Variants in BMPR1A observed in about 807,000 individuals in gnomAD.
BMPR1A encodes the protein bone morphogenetic protein receptor type-1A.
In BMPR1A, 7 loss-of-function variants were observed where a neutral mutation model predicts 66.0. That is an observed-to-expected ratio of 0.11 (90% CI 0.06 to 0.20). The LOEUF (loss-of-function observed/expected upper bound fraction) is 0.20, where lower values mean the gene tolerates loss of function less well. BMPR1A is among the 10% of genes least tolerant of loss of function. BMPR1A has a pLI of 1.00. For missense variants in BMPR1A, 408 were observed against 669.1 expected, an observed-to-expected ratio of 0.61 and a Z score of 4.31; for synonymous variants, 200 against 229.7, an observed-to-expected ratio of 0.87 and a Z score of 1.17.
chr10:86,882,092 GA>G (rs1842995040), intron 3 of BMPR1A, among the ~76,000 whole-genome samples: 1 of 152,004 alleles, frequency 6.6e-6, no homozygotes, highest in Non-Finnish European at 1.5e-5. Context: ...AAGGGGGAGG[GA>G]GTGAAACAAG....
At chr10:86,883,872 T>C (rs1465733575) in intron 3 of BMPR1A, among the ~76,000 whole-genome samples, 3 of 2,610 alleles carry the variant, frequency 1.1e-3, no homozygotes, top group Non-Finnish European at 7.1e-3. Context: ...AGCGTATGAC[T>C]TTTTTTTTTT....
intron 1 of BMPR1A, among the ~76,000 whole-genome samples, chr10:86,778,722 A>G (rs1841392578): frequency 6.6e-6 from 1 of 152,010 alleles, no homozygotes; most frequent in Admixed American, 6.6e-5. Flanking sequence ...GTAATTTTGT[A>G]TCCTTTAACA....
chr10:86,801,854 A>G (rs1386526145), intron 1 of BMPR1A, among the ~76,000 whole-genome samples: 1 of 151,916 alleles, frequency 6.6e-6, no homozygotes, highest in Non-Finnish European at 1.5e-5. Flanking sequence ...CTTGGACTAC[A>G]GGCACCCGCC....
chr10:86,903,696 C>T (rs1474049320), intron 7 of BMPR1A, among the ~76,000 whole-genome samples: 1 of 152,004 alleles, frequency 6.6e-6, no homozygotes, highest in Non-Finnish European at 1.5e-5. Context: ...AATGCAAGCT[C>T]CACCTCCCGG....
intron 8 of BMPR1A, among the ~76,000 whole-genome samples, chr10:86,914,299 T>C (rs1843531439): frequency 6.6e-6 from 1 of 152,120 alleles, no homozygotes; most frequent in African/African-American, 2.4e-5. Context: ...AGTTGAAGTA[T>C]AAAACCTCTA....
intron 1 of BMPR1A, among the ~76,000 whole-genome samples, chr10:86,806,524 T>G (rs983202904): frequency 6.6e-6 from 1 of 152,180 alleles, no homozygotes; most frequent in Admixed American, 6.6e-5. Flanking sequence ...TATGGAGTGA[T>G]AGACTCCATT....
intron 1 of BMPR1A, among the ~76,000 whole-genome samples, chr10:86,791,811 C>T (rs1462743242): frequency 6.8e-6 from 1 of 147,866 alleles, no homozygotes; most frequent in Non-Finnish European, 1.5e-5. Context: ...AACCTCTGCC[C>T]CTGGGTTCAA....
intron 3 of BMPR1A, chr10:86,889,854 C>A: frequency 1.7e-6 from 1 of 600,222 alleles, no homozygotes. Context: ...TAGCTGTCTT[C>A]ATGTACCCCG....
At chr10:86,805,901 T>G (rs527901277) in intron 1 of BMPR1A, among the ~76,000 whole-genome samples, 4 of 150,652 alleles carry the variant, frequency 2.7e-5, no homozygotes, top group Middle Eastern at 6.8e-3. Flanking sequence ...TGAGGTGTTT[T>G]TTTTTTTTTT....
At chr10:86,818,566 C>G (rs1354359458) in intron 1 of BMPR1A, among the ~76,000 whole-genome samples, 1 of 152,128 alleles carries the variant, frequency 6.6e-6, no homozygotes, top group Admixed American at 6.5e-5. Flanking sequence ...AGGATTAGTG[C>G]TAGTTTTTCT....
intron 5 of BMPR1A, among the ~76,000 whole-genome samples, chr10:86,898,485 G>A (rs562664752): frequency 5.9e-5 from 9 of 152,124 alleles, no homozygotes; most frequent in Admixed American, 1.3e-4. Context: ...AGATCTCTTC[G>A]TACATTTGGG....
At chr10:86,773,854 CTT>C (rs34632382) in intron 1 of BMPR1A, among the ~76,000 whole-genome samples, 11 of 142,078 alleles carry the variant, frequency 7.7e-5, no homozygotes, top group African/African-American at 1.6e-4. Context: ...GTATTTCATT[CTT>C]TTTTTTTTTT....
At chr10:86,821,585 G>A (rs1290960931) in intron 1 of BMPR1A, among the ~76,000 whole-genome samples, 2 of 151,936 alleles carry the variant, frequency 1.3e-5, no homozygotes, top group Non-Finnish European at 2.9e-5. Flanking sequence ...TACCTCCCAA[G>A]GCTGTACAGG....
chr10:86,771,968 C>G (rs533548709), intron 1 of BMPR1A, among the ~76,000 whole-genome samples: 1 of 151,738 alleles, frequency 6.6e-6, no homozygotes, highest in Non-Finnish European at 1.5e-5. Context: ...TTTGTTTTTC[C>G]TTTGCATCTT....
At chr10:86,821,778 C>T (rs190729886) in intron 1 of BMPR1A, among the ~76,000 whole-genome samples, 2 of 151,874 alleles carry the variant, frequency 1.3e-5, no homozygotes, top group African/African-American at 4.8e-5. Context: ...TTTCTTTTTT[C>T]TCCCCCCTCC....
rs1428663774 is a variant in BMPR1A at position 86,862,687 on chromosome 10, G to A, written c.-152-13180G>A. ...GACAGATTCTGCAGGTACAACCAGT[G>A]GATTTGATGACAGGAAATGGAATGC... On this transcript the variant is annotated intron_variant, in intron 2 of 12. Transcript: ENST00000372037. 2.6e-5 allele frequency among the ~76,000 whole-genome samples: 4 copies of A among 152,010 alleles called. No homozygotes were observed. The South Asian group carries it at 6.2e-4, about 24-fold the overall frequency.
At position 86,917,262 on chromosome 10, in the gene BMPR1A, A is replaced by G; in HGVS notation, c.804A>G (p.Glu268=). 2 of 1,614,078 alleles carry G rather than the reference A, an allele frequency of 1.2e-6. No homozygotes were observed. The highest frequency in any genetic ancestry group is 4.5e-5 in the East Asian group (2 of 44,878). ...VAVKVFFTTE[E]ASWFRETEIY... Reference sequence around the variant, plus strand: ...TGAAAGTATTCTTTACCACTGAAGAAGCCAGCTGGTTTCGAGAAACAGAAA... The same window carrying G: ...TGAAAGTATTCTTTACCACTGAAGAGGCCAGCTGGTTTCGAGAAACAGAAA... Residue 268 remains glutamate (E), a synonymous_variant, in exon 9 of 13, where the codon GAA becomes GAG. Transcript: ENST00000372037.
At position 86,884,666 on chromosome 10, in the gene BMPR1A, C is replaced by T. The variant is rs144553022; in HGVS notation, c.68-5396C>T. 5.5e-3 allele frequency among the ~76,000 whole-genome samples: 829 copies of T among 151,698 alleles called. 11 individuals carry two copies. The highest frequency in any genetic ancestry group is 0.018 in the African/African-American group (757 of 41,358). On this transcript the variant is annotated intron_variant, in intron 3 of 12. Transcript: ENST00000372037. ...CTGACCTCAGGCAGTCCACCCGCCT[C>T]GGCCTCCCAAGGTGCTGGGACTACA...
intron 5 of BMPR1A, among the ~76,000 whole-genome samples, chr10:86,896,144 A>C (rs932624000): frequency 3.4e-5 from 5 of 148,300 alleles, no homozygotes; most frequent in Non-Finnish European, 7.4e-5. Context: ...ACAGAGCGAG[A>C]CTCCGTCTCA....
Sources: allele counts gnomAD v4.1 joint callset (sites outside exome capture counted in the v4.1 genomes callset), GRCh38; gene constraint gnomAD v4.1.1; transcripts MANE v1.5; gene names NCBI Gene and HGNC (gene_info 2026-07-23, HGNC 2026-07-21).